The following DOCK1 variants were observed in gnomAD, a reference collection of about 807,000 sequenced individuals.
The protein encoded by DOCK1 is dedicator of cytokinesis protein 1.
Under a neutral mutation model 262.7 loss-of-function variants are expected in DOCK1, and 138 were observed. The observed-to-expected ratio is 0.53, with a 90% confidence interval of 0.46 to 0.61. DOCK1 has a LOEUF of 0.61. DOCK1 is among the 20% of genes least tolerant of loss of function. The pLI is 0.00. For missense variants in DOCK1, 1,908 were observed against 2,370.7 expected (o/e 0.80, Z 4.05); for synonymous variants, 866 against 867.4 (o/e 1.00, Z 0.03).
rs556578670 is a variant in DOCK1 at position 126,907,522 on chromosome 10, G to A, written c.46+1959G>A. Among the ~76,000 whole-genome samples, 380 of 152,200 alleles carry A rather than the reference G, an allele frequency of 2.5e-3. 4 individuals carry two copies. Among genetic ancestry groups the A allele is most frequent in the Middle Eastern group, 0.02 (6 of 294 alleles). On this transcript the variant is annotated intron_variant, in intron 1 of 51. Coordinates refer to ENST00000623213, the MANE Select transcript of DOCK1 (RefSeq NM_001290223.2). The stretch of plus-strand genomic sequence containing the variant: ...TGCCTCCTGGGTGTGAAGTGTGGCC[G>A]CCCTGGGTTCAGCTGCCACAGTGTC...
chr10:127,419,095 C>A (rs367804124), intron 45 of DOCK1, among the ~76,000 whole-genome samples: 1 of 152,102 alleles, frequency 6.6e-6, no homozygotes, highest in Non-Finnish European at 1.5e-5. Flanking sequence ...CTGTAACTGG[C>A]GAGTTGAGTA....
chr10:127,388,479 A>G (rs2134168293), intron 38 of DOCK1, among the ~76,000 whole-genome samples: 1 of 152,376 alleles, frequency 6.6e-6, no homozygotes, highest in Non-Finnish European at 1.5e-5. Flanking sequence ...CAAAAAATTC[A>G]TTTTAACATC....
chr10:127,372,897 G>A (rs977229614), intron 33 of DOCK1, among the ~76,000 whole-genome samples: 23 of 152,278 alleles, frequency 1.5e-4, no homozygotes, highest in African/African-American at 5.3e-4. Flanking sequence ...CTTGCTACTG[G>A]CACAAGTTGA....
rs545960103 is a variant in DOCK1 at position 127,340,398 on chromosome 10, T to G, written c.3123+1314T>G. 4.6e-5 allele frequency among the ~76,000 whole-genome samples: 7 copies of G among 152,306 alleles called. No individual in the cohort carries two copies. The East Asian group carries it at 7.7e-4, about 17-fold the overall frequency. On this transcript the variant is annotated intron_variant, in intron 30 of 51. Coordinates refer to ENST00000623213, the MANE Select transcript of DOCK1 (RefSeq NM_001290223.2). ...AGCATTTATATGGGCCTGTGTGTGT[T>G]TTTTTTCAGCCTTTAACATGAACTG... is the stretch of plus-strand genomic sequence containing the variant.
chr10:127,421,193 G>C (rs1026009591), intron 46 of DOCK1, among the ~76,000 whole-genome samples: 1 of 152,038 alleles, frequency 6.6e-6, no homozygotes, highest in African/African-American at 2.4e-5. Flanking sequence ...GGGATTACAG[G>C]CATGAGCCAC....
chr10:127,122,537 C>T (rs1014751495), intron 25 of DOCK1, among the ~76,000 whole-genome samples: 7 of 152,042 alleles, frequency 4.6e-5, no homozygotes, highest in Non-Finnish European at 7.4e-5. Context: ...GACATCGCCC[C>T]ACCTCCCCAC....
At chr10:127,404,512 G>A in intron 40 of DOCK1, 83 bp downstream of exon 40, 1 of 1,350,970 alleles carries the variant, frequency 7.4e-7, no homozygotes. Flanking sequence ...AGGGTGGGGA[G>A]TTTGCATCCG....
At chr10:127,131,933 G>T (rs1302674321) in intron 27 of DOCK1, among the ~76,000 whole-genome samples, 2 of 152,128 alleles carry the variant, frequency 1.3e-5, no homozygotes, top group African/African-American at 4.8e-5. Flanking sequence ...CTGAAAATGA[G>T]TTTTTAAAAA....
Position 127,175,311 on chromosome 10 carries a change from A to G in DOCK1, c.2847+47547A>G. The G allele has an allele frequency of 6.2e-7, 1 of 1,614,002 alleles. No homozygotes were observed. The highest frequency in any genetic ancestry group is 8.5e-7 in the Non-Finnish European group (1 of 1,180,006). The stretch of plus-strand genomic sequence containing the variant: ...ACTGATCAAGTTCTCCATCATCTGA[A>G]GTTGTGCTTTGAGGTCGACCACTTC... On this transcript the variant is annotated intron_variant, in intron 27 of 51. Transcript: ENST00000623213. This position sits in a 1 kb window ranked among gnomAD's most constrained non-coding sequence, Gnocchi z 6.3.
chr10:127,091,919 G>T (rs2047556626), intron 23 of DOCK1, among the ~76,000 whole-genome samples: 1 of 152,162 alleles, frequency 6.6e-6, no homozygotes, highest in Non-Finnish European at 1.5e-5. Flanking sequence ...AGCATGACAA[G>T]TTGGTACCGG....
At chr10:127,210,371 G>A (rs1384592257) in intron 27 of DOCK1, among the ~76,000 whole-genome samples, 1 of 152,194 alleles carries the variant, frequency 6.6e-6, no homozygotes, top group Non-Finnish European at 1.5e-5. Context: ...GGCGGCATTA[G>A]AGGGGCTGTA....
At chr10:126,911,284 A>G (rs2031718555) in intron 1 of DOCK1, among the ~76,000 whole-genome samples, 1 of 152,080 alleles carries the variant, frequency 6.6e-6, no homozygotes, top group African/African-American at 2.4e-5. Context: ...CCTTGGTTTC[A>G]TTTGGGAGCC....
At chr10:127,058,887 T>C (rs180692093) in intron 22 of DOCK1, among the ~76,000 whole-genome samples, 1 of 152,266 alleles carries the variant, frequency 6.6e-6, no homozygotes, top group Non-Finnish European at 1.5e-5. Context: ...TGTTATTTTA[T>C]ACAGTTAGTA....
chr10:127,118,537 T>C (rs956658159), intron 25 of DOCK1, among the ~76,000 whole-genome samples: 7 of 152,260 alleles, frequency 4.6e-5, no homozygotes, highest in African/African-American at 1.4e-4. Flanking sequence ...CTTGTGCCGA[T>C]GTCCAGAAAA....
intron 6 of DOCK1, among the ~76,000 whole-genome samples, chr10:126,993,304 C>T (rs2039945360): frequency 2.0e-5 from 3 of 152,212 alleles, no homozygotes; most frequent in Admixed American, 1.3e-4. Context: ...TGCCCTGGCA[C>T]CAGCACTGAC....
intron 13 of DOCK1, among the ~76,000 whole-genome samples, chr10:127,021,993 G>A (rs2042461577): frequency 6.6e-6 from 1 of 152,168 alleles, no homozygotes; most frequent in African/African-American, 2.4e-5. Context: ...GGCCAGGCAG[G>A]CAGCAGAGGA....
At chr10:127,202,094 G>A (rs955664328) in intron 27 of DOCK1, among the ~76,000 whole-genome samples, 3 of 152,108 alleles carry the variant, frequency 2.0e-5, no homozygotes, top group Admixed American at 6.6e-5. Flanking sequence ...AGGCCAAGGC[G>A]GGCAGATTGC....
chr10:127,446,709 C>G lies in DOCK1; in HGVS notation c.5414-685C>G, dbSNP rs1350450780. ...TTTCTCTCTTTAATATAAAAGAAAA[C>G]AAATTATCTTTAAGAGTCTCAACAA... On this transcript the variant is annotated intron_variant, in intron 50 of 51. Transcript: ENST00000623213. The surrounding 1 kb of genome is among the most constrained non-coding windows in gnomAD (Gnocchi z 4.4). Among the ~76,000 whole-genome samples, 1 of 152,220 alleles carries G rather than the reference C, an allele frequency of 6.6e-6. No individual in the cohort carries two copies. Among genetic ancestry groups the G allele is most frequent in the East Asian group, 1.9e-4 (1 of 5,188 alleles).
At chr10:127,426,157 T>G (rs1211926299) in intron 47 of DOCK1, 146 bp downstream of exon 47, 14 of 1,375,532 alleles carry the variant, frequency 1.0e-5, no homozygotes, top group Non-Finnish European at 1.3e-5. Flanking sequence ...CTCAGCCCCC[T>G]TGGGCAGTCT....
Sources: gnomAD v4.1 joint callset for allele counts (sites outside exome capture counted in the v4.1 genomes callset) on GRCh38, gnomAD v4.1.1 for gene constraint, Gnocchi (gnomAD v3.1) non-coding constraint, MANE v1.5 for transcripts, NCBI Gene and HGNC (gene_info 2026-07-23, HGNC 2026-07-21) for gene names.